SWT1: variants seen among roughly 807,000 people sequenced by gnomAD.
SWT1 encodes SWT1 RNA endoribonuclease homolog, also known as transcriptional protein SWT1.
In SWT1, 33 loss-of-function variants were observed where a neutral mutation model predicts 107.3. The observed-to-expected ratio is 0.31, with a 90% CI of 0.23 to 0.41. SWT1 has a LOEUF of 0.41. SWT1 is among the 10% of genes least tolerant of loss of function. The pLI is 1.00. For synonymous variants in SWT1, 345 were observed against 348.3 expected, an observed-to-expected ratio of 0.99 and a Z score of 0.11; for missense variants, 898 against 1,028.9, an observed-to-expected ratio of 0.87 and a Z score of 1.74.
chr1:185,266,219 A>G (rs1571663057), intron 16 of SWT1, among the ~76,000 whole-genome samples: 1 of 145,796 alleles, frequency 6.9e-6, no homozygotes, highest in East Asian at 2.0e-4. Flanking sequence ...GCCCGCCACC[A>G]CGCCCAGCTA....
At chr1:185,274,394 C>T (rs1031990818) in intron 17 of SWT1, among the ~76,000 whole-genome samples, 2 of 150,828 alleles carry the variant, frequency 1.3e-5, no homozygotes, top group African/African-American at 4.9e-5. Context: ...CTAGGTCAAG[C>T]AATCTTCCTA....
chr1:185,184,229 C>A lies in SWT1; in HGVS notation c.1139-14C>A. On this transcript the variant is annotated splice_polypyrimidine_tract_variant and intron_variant, in intron 7 of 18. Coordinates refer to ENST00000367500, the MANE Select transcript of SWT1 (RefSeq NM_017673.7). ...GTTATCAAGTGTCATGAAATATTTG[C>A]TCTTTTTCTTTAGCAAATAATACTT... 1 of 1,326,892 alleles carries A rather than the reference C, an allele frequency of 7.5e-7. No individual in the cohort carries two copies. Among genetic ancestry groups the A allele is most frequent in the Admixed American group, 2.2e-5 (1 of 46,322 alleles). The allele number at this position is 1,326,892 out of a possible 1,614,324, so 82.2% of individuals were successfully genotyped here. A position where few individuals can be genotyped will look rare whatever the true frequency, so the allele number is the denominator to read the frequency against.
intron 16 of SWT1, among the ~76,000 whole-genome samples, chr1:185,248,875 T>C (rs2102636535): frequency 6.6e-6 from 1 of 152,208 alleles, no homozygotes; most frequent in East Asian, 1.9e-4. Context: ...ATGGTTTATC[T>C]AGCTGATGGT....
intron 12 of SWT1, 115 bp from the exon 13 acceptor site, chr1:185,206,510 G>T: frequency 3.7e-6 from 2 of 547,342 alleles, no homozygotes; most frequent in Non-Finnish European, 5.9e-6. Flanking sequence ...AATTTAAAAA[G>T]AATCCAACTA....
At position 185,277,361 on chromosome 1, in the gene SWT1, T is replaced by A. The variant is rs183749718; in HGVS notation, c.2573+693T>A. On this transcript the variant is annotated intron_variant, in intron 18 of 18. Coordinates refer to ENST00000367500, the MANE Select transcript of SWT1 (RefSeq NM_017673.7). ...CAATGTGCAGTGGAGCGATCTTGGC[T>A]CATTGCAACCTCTGCCTCCCAGGTT... 2.0e-5 allele frequency among the ~76,000 whole-genome samples: 3 copies of A among 152,324 alleles called. No homozygotes were observed. In the East Asian group the frequency reaches 5.8e-4, roughly 29 times the overall value.
intron 16 of SWT1, among the ~76,000 whole-genome samples, chr1:185,253,756 T>C (rs1026704653): frequency 6.6e-6 from 1 of 151,884 alleles, no homozygotes; most frequent in African/African-American, 2.4e-5. Flanking sequence ...TTTTCCTAAT[T>C]GAATACCTTT....
Position 185,214,537 on chromosome 1 carries a change from A to C in SWT1, c.2003A>C (p.Lys668Thr), listed in dbSNP as rs749547707. 2.5e-5 allele frequency: 41 copies of C among 1,610,466 alleles called. 1 individual carries two copies. The South Asian group carries it at 4.2e-4, about 17-fold the overall frequency. The stretch of plus-strand genomic sequence containing the variant: ...AAGGCAGTGGATTTTACAACAGTCA[A>C]ATTCTTGCTTCAGGATTCTAGAAGT... ...ANKAVDFTTV[K>T]FLLQDSRSLL... Residue 668 changes from lysine (K) to threonine (T), a missense_variant, in exon 14 of 19, where the codon AAA (lysine) becomes ACA (threonine). Physicochemically the swap from Lys to Thr is moderately conservative, Grantham distance 78 (BLOSUM62 -1). Around this residue, in one of 6 missense-constraint regions of SWT1, gnomAD observed 382 missense variants for 460.0 expected, o/e 0.83. Coordinates refer to ENST00000367500, the MANE Select transcript of SWT1 (RefSeq NM_017673.7).
chr1:185,189,233 G>A (rs550171096), intron 9 of SWT1, among the ~76,000 whole-genome samples: 20 of 151,934 alleles, frequency 1.3e-4, no homozygotes, highest in Non-Finnish European at 2.5e-4. Context: ...AAGCAATCCC[G>A]CTGCCTCAGC....
chr1:185,200,683 T>C (rs1038618414), intron 10 of SWT1, among the ~76,000 whole-genome samples: 1 of 152,188 alleles, frequency 6.6e-6, no homozygotes, highest in Non-Finnish European at 1.5e-5. Context: ...GAGGTGTCTG[T>C]CAACCCCTGT....
intron 10 of SWT1, 90 bp from the exon 11 acceptor site, chr1:185,202,564 C>G (rs1657971907): frequency 9.0e-7 from 1 of 1,113,960 alleles, no homozygotes; most frequent in African/African-American, 1.6e-5. Context: ...AATCACCTGC[C>G]TCTGACTAGA....
chr1:185,275,582 A>T (rs1558096905), intron 17 of SWT1, among the ~76,000 whole-genome samples: 1 of 151,738 alleles, frequency 6.6e-6, no homozygotes, highest in Non-Finnish European at 1.5e-5. Flanking sequence ...GACGGGTCTC[A>T]CTATGTTGCT....
intron 6 of SWT1, 74 bp from the exon 7 acceptor site, chr1:185,181,872 G>T (rs1405636481): frequency 2.1e-5 from 32 of 1,490,546 alleles, no homozygotes; most frequent in Non-Finnish European, 3.0e-5. Context: ...AATTAATTAA[G>T]AATTAATTGC....
chr1:185,222,062 T>A, intron 15 of SWT1, 26 bp downstream of exon 15: 2 of 1,417,644 alleles, frequency 1.4e-6, no homozygotes, highest in Non-Finnish European at 1.9e-6. Context: ...GAATTTTTTT[T>A]TAGTTATTTT....
rs1389907939 is a variant in SWT1, at chr1:185,234,103, C to T, written c.2441+2395C>T. The stretch of plus-strand genomic sequence containing the variant: ...GAATGTATATTCTGTTGATTTGGGG[C>T]GGAGAGTTCTGTAGATGTCTGTTAG... On this transcript the variant is annotated intron_variant, in intron 16 of 18. Coordinates refer to ENST00000367500, the MANE Select transcript of SWT1 (RefSeq NM_017673.7). Among the ~76,000 whole-genome samples the T allele has an allele frequency of 7.2e-5, 11 of 152,192 alleles. No individual in the cohort carries two copies. The South Asian group carries it at 1.2e-3, about 17-fold the overall frequency.
At chr1:185,264,133 T>C (rs1481231203) in intron 16 of SWT1, 1 of 158,396 alleles carries the variant, frequency 6.3e-6, no homozygotes, top group African/African-American at 2.4e-5. Flanking sequence ...CAGAAAATAT[T>C]TTACAGACTG....
At position 185,239,086 on chromosome 1, in the gene SWT1, C is replaced by T. The variant is rs928019390; in HGVS notation, c.2441+7378C>T. 1.6e-4 allele frequency among the ~76,000 whole-genome samples: 24 copies of T among 151,922 alleles called. No homozygotes were observed. The East Asian group carries it at 2.1e-3, about 13-fold the overall frequency. ...TCATATATAGTGTTATATTGGGGCT[C>T]GATAATCAGGTGATCTTTAGCTTGG... On this transcript the variant is annotated intron_variant, in intron 16 of 18. Transcript: ENST00000367500.
chr1:185,175,042 G>C lies in SWT1; in HGVS notation c.895G>C (p.Glu299Gln). The C allele has an allele frequency of 6.2e-7, 1 of 1,600,188 alleles. No individual in the cohort carries two copies. The highest frequency in any genetic ancestry group is 8.5e-7 in the Non-Finnish European group (1 of 1,174,766). The change falls in exon 5 of 19, where the codon GAG becomes CAG. Residue 299 changes from glutamate to glutamine, a missense_variant. Around this residue, in one of 6 missense-constraint regions of SWT1, gnomAD observed 382 missense variants for 362.4 expected, o/e 1.05. Coordinates refer to ENST00000367500, the MANE Select transcript of SWT1 (RefSeq NM_017673.7). Reference protein sequence around the residue: ...SDFTYKRTVHEWKRKHHYDHQ... With the variant: ...SDFTYKRTVHQWKRKHHYDHQ... ...TTTTACATATAAGCGGACTGTTCAT[G>C]AGTGGAAACGAAAACATCATTATGA...
chr1:185,163,243 A>T (rs1043424576), intron 2 of SWT1, among the ~76,000 whole-genome samples: 3 of 152,138 alleles, frequency 2.0e-5, no homozygotes, highest in African/African-American at 7.2e-5. Flanking sequence ...TCAAAATTGG[A>T]GTTAGTCTCT....
chr1:185,185,841 T>G (rs1311395391), intron 9 of SWT1, among the ~76,000 whole-genome samples: 1 of 152,206 alleles, frequency 6.6e-6, no homozygotes, highest in Non-Finnish European at 1.5e-5. Context: ...TAAACAAATA[T>G]TTATTAGTTC....
Sources: gnomAD v4.1 joint callset for allele counts (sites outside exome capture counted in the v4.1 genomes callset) on GRCh38, gnomAD v4.1.1 for gene constraint, gnomAD v4.1.1 regional missense constraint, MANE v1.5 for transcripts, NCBI Gene and HGNC (gene_info 2026-07-23, HGNC 2026-07-21) for gene names.